The following NR1H4 variants were observed in gnomAD, a reference collection of about 807,000 sequenced individuals.
The protein encoded by NR1H4 is nuclear receptor subfamily 1 group H member 4.
NR1H4 carries 23 observed loss-of-function variants against 58.5 expected under a neutral mutation model. That is an observed-to-expected ratio of 0.39 (90% CI 0.28 to 0.56). NR1H4 has a LOEUF of 0.56. NR1H4 is among the 20% of genes least tolerant of loss of function. NR1H4 has a pLI of 0.58. For synonymous variants in NR1H4, 214 were observed against 198.0 expected (o/e 1.08, Z -0.68); for missense variants, 487 against 576.9 (o/e 0.84, Z 1.60).
chr12:100,543,293 G>C (rs941637103), intron 9 of NR1H4, among the ~76,000 whole-genome samples: 1 of 152,112 alleles, frequency 6.6e-6, no homozygotes. Flanking sequence ...TAATGATTTT[G>C]TTATTTCCCA....
chr12:100,532,830 T>C (rs1317639874), intron 5 of NR1H4, among the ~76,000 whole-genome samples: 2 of 152,228 alleles, frequency 1.3e-5, no homozygotes, highest in African/African-American at 4.8e-5. Context: ...TTTTTCTTTG[T>C]CGCAGTGAAC....
intron 4 of NR1H4, among the ~76,000 whole-genome samples, chr12:100,529,959 C>T (rs1295213210): frequency 6.6e-6 from 1 of 152,184 alleles, no homozygotes; most frequent in Non-Finnish European, 1.5e-5. Flanking sequence ...ACAATCTTTA[C>T]AAGCATATGG....
intron 1 of NR1H4, among the ~76,000 whole-genome samples, chr12:100,476,216 G>A (rs1953267542): frequency 6.6e-6 from 1 of 152,120 alleles, no homozygotes; most frequent in South Asian, 2.1e-4. Flanking sequence ...GGGAAAACTT[G>A]AAATGGGGAA....
chr12:100,502,665 G>A (rs1953861695), intron 3 of NR1H4, among the ~76,000 whole-genome samples: 2 of 152,146 alleles, frequency 1.3e-5, no homozygotes, highest in African/African-American at 4.8e-5. Context: ...AACCTACTAT[G>A]TTTAGACTTT....
At chr12:100,511,229 C>A in intron 4 of NR1H4, 86 bp downstream of exon 4, 1 of 1,566,432 alleles carries the variant, frequency 6.4e-7, no homozygotes, top group Non-Finnish European at 8.8e-7. Flanking sequence ...TTCCCTTTTC[C>A]CAGGCAACTT....
chr12:100,550,372 G>T (rs866766855), intron 9 of NR1H4, among the ~76,000 whole-genome samples: 5 of 151,950 alleles, frequency 3.3e-5, no homozygotes, highest in Middle Eastern at 3.2e-3. Flanking sequence ...GTTTTGTTTT[G>T]ATTTTTTTTG....
At chr12:100,484,842 C>T (rs75048576) in intron 1 of NR1H4, among the ~76,000 whole-genome samples, 1,681 of 152,224 alleles carry the variant, frequency 0.011, 41 homozygotes, top group African/African-American at 0.039. Context: ...GTTAGGTTCC[C>T]CAAACATTTT....
At chr12:100,529,661 A>G (rs537636016) in intron 4 of NR1H4, among the ~76,000 whole-genome samples, 8 of 151,914 alleles carry the variant, frequency 5.3e-5, no homozygotes, top group Admixed American at 1.3e-4. Context: ...TTCCTCCCTC[A>G]TGGTCCATGT....
chr12:100,543,286 T>C (rs1593118129), intron 9 of NR1H4, among the ~76,000 whole-genome samples: 1 of 152,272 alleles, frequency 6.6e-6, no homozygotes, highest in South Asian at 2.1e-4. Flanking sequence ...GCTGGGCTAA[T>C]GATTTTGTTA....
chr12:100,502,021 A>G (rs1004954574), intron 3 of NR1H4, among the ~76,000 whole-genome samples: 3 of 152,222 alleles, frequency 2.0e-5, no homozygotes, highest in African/African-American at 7.2e-5. Flanking sequence ...TCAATAAGCA[A>G]CCCAAGGTAC....
intron 4 of NR1H4, among the ~76,000 whole-genome samples, chr12:100,513,822 AAGGAAGGAAGGAAGG>A (rs1954191068): frequency 2.1e-5 from 2 of 94,880 alleles, no homozygotes; most frequent in African/African-American, 3.8e-5. Context: ...GGAAGGAAGG[AAGGAAGGAAGGAAGG>A]AAGGAAGGAA....
At chr12:100,506,974 G>T (rs189036275) in intron 3 of NR1H4, among the ~76,000 whole-genome samples, 14 of 152,222 alleles carry the variant, frequency 9.2e-5, no homozygotes, top group African/African-American at 3.4e-4. Flanking sequence ...CTTGACTTGG[G>T]ACTCCTTTGT....
intron 9 of NR1H4, among the ~76,000 whole-genome samples, chr12:100,558,134 G>A (rs573881146): frequency 2.7e-5 from 4 of 150,812 alleles, no homozygotes; most frequent in African/African-American, 9.8e-5. Flanking sequence ...GCTGAGGTGG[G>A]TGGATCACAA....
rs1436825417 is a variant in NR1H4 at position 100,511,034 on chromosome 12, C to T, written c.336C>T (p.Pro112=). Residue 112 remains proline (P), a synonymous_variant, in exon 4 of 11, where the codon CCC becomes CCT. Transcript: ENST00000392986. ...EVAEMPVTKK[P]RMGASAGRIK... ...CAGAGATGCCTGTAACAAAGAAGCC[C>T]CGCATGGGCGCGTCAGCAGGGAGGA... is the stretch of plus-strand genomic sequence containing the variant. 9.3e-6 allele frequency: 15 copies of T among 1,614,240 alleles called. No individual in the cohort carries two copies. The highest frequency in any genetic ancestry group is 1.3e-5 in the African/African-American group (1 of 75,066).
In NR1H4 at chr12:100,504,353, A is replaced by G. The variant is rs1207244794; in HGVS notation, c.80-6425A>G. On this transcript the variant is annotated intron_variant, in intron 3 of 10. Transcript: ENST00000392986. ...ACATGTTTTTGGTCATAGACTTGGT[A>G]GCATACCATTTTGTTTAAATGCGAT... is the stretch of plus-strand genomic sequence containing the variant. Among the ~76,000 whole-genome samples, 57 of 152,212 alleles carry G rather than the reference A, an allele frequency of 3.7e-4. 1 individual carries two copies. The highest frequency in any genetic ancestry group is 3.7e-3 in the Admixed American group (57 of 15,278).
chr12:100,560,882 G>A (rs1481206061), intron 9 of NR1H4, among the ~76,000 whole-genome samples: 1 of 152,188 alleles, frequency 6.6e-6, no homozygotes, highest in Non-Finnish European at 1.5e-5. Context: ...AGGCCTGGGT[G>A]CCTGAATCTC....
chr12:100,562,450 A>T (rs1182232798), intron 10 of NR1H4, among the ~76,000 whole-genome samples: 3 of 152,174 alleles, frequency 2.0e-5, no homozygotes, highest in South Asian at 4.1e-4. Flanking sequence ...GTGGCATTGG[A>T]GCAGGGATCT....
intron 1 of NR1H4, among the ~76,000 whole-genome samples, chr12:100,475,965 C>A (rs1437754624): frequency 6.6e-6 from 1 of 152,116 alleles, no homozygotes; most frequent in East Asian, 1.9e-4. Flanking sequence ...AACTCTTGAC[C>A]TCAGGTGATC....
rs952254539 is a variant in NR1H4, at chr12:100,493,467, A to G, written c.79+65A>G. 5 of 818,858 alleles carry G rather than the reference A, an allele frequency of 6.1e-6. No individual in the cohort carries two copies. In the African/African-American group the frequency reaches 8.5e-5, roughly 14 times the overall value. 50.7% of individuals were successfully genotyped at this position (818,858 alleles called of 1,614,324 possible). A position where few individuals can be genotyped will look rare whatever the true frequency, so the allele number is the denominator to read the frequency against. On this transcript the variant is annotated intron_variant, in intron 3 of 10. Transcript: ENST00000392986. ...CTACGATTTGGAAATACATGAGGAA[A>G]TGCCTAGATGATGAGTCCAGCCCAG...
Sources: allele counts gnomAD v4.1 joint callset (sites outside exome capture counted in the v4.1 genomes callset), GRCh38; gene constraint gnomAD v4.1.1; transcripts MANE v1.5; gene names NCBI Gene and HGNC (gene_info 2026-07-23, HGNC 2026-07-21).